Variants in METTL6 observed in about 807,000 individuals in gnomAD.
METTL6 encodes methyltransferase 6, tRNA N3-cytidine.
Under a neutral mutation model 26.4 loss-of-function variants are expected in METTL6, and 22 were observed. The observed-to-expected ratio is 0.83, with a 90% CI of 0.59 to 1.19. The LOEUF (loss-of-function observed/expected upper bound fraction) is 1.19. Ranked by LOEUF, METTL6 falls within the 50% of genes most tolerant of loss-of-function variation. The pLI is 0.00. For missense variants in METTL6, 304 were observed against 324.8 expected (o/e 0.94, Z 0.49); for synonymous variants, 109 against 116.2 (o/e 0.94, Z 0.40).
chr3:15,391,459 T>G (rs898071142), intron 6 of METTL6, among the ~76,000 whole-genome samples: 2 of 152,132 alleles, frequency 1.3e-5, no homozygotes, highest in Non-Finnish European at 2.9e-5. Context: ...AATGTTACAT[T>G]GCAGAACAAT....
chr3:15,388,061 G>C (rs560928109), intron 6 of METTL6, among the ~76,000 whole-genome samples: 1 of 151,854 alleles, frequency 6.6e-6, no homozygotes, highest in Admixed American at 6.6e-5. Context: ...ACTCAAAAAA[G>C]TCTCCCTCAG....
intron 6 of METTL6, among the ~76,000 whole-genome samples, chr3:15,386,306 CT>C (rs1341452664): frequency 6.6e-6 from 1 of 152,148 alleles, no homozygotes; most frequent in Admixed American, 6.5e-5. Flanking sequence ...CCACATGGGG[CT>C]GCAGCAACTA....
At chr3:15,394,653 G>C (rs1341479495) in intron 6 of METTL6, among the ~76,000 whole-genome samples, 19 of 152,114 alleles carry the variant, frequency 1.2e-4, no homozygotes, top group Admixed American at 2.0e-4. Flanking sequence ...AAATTTCCCT[G>C]TACACACTGC....
At chr3:15,412,658 T>A (rs112907815) in intron 5 of METTL6, among the ~76,000 whole-genome samples, 10 of 151,806 alleles carry the variant, frequency 6.6e-5, no homozygotes, top group African/African-American at 2.4e-4. Context: ...TAATATTTTT[T>A]TTTTTTTATT....
Position 15,409,867 on chromosome 3 carries a change from A to G in METTL6, c.*1389T>C, listed in dbSNP as rs909367691. Among the ~76,000 whole-genome samples the G allele has an allele frequency of 6.6e-6, 1 of 152,222 alleles. No homozygotes were observed. The highest frequency in any genetic ancestry group is 2.4e-5 in the African/African-American group (1 of 41,456). ...ACCAATGGGCAAATATGACACTCGA[A>G]AAAGAAGAAAACAGAACACTCCTTT... is the stretch of plus-strand genomic sequence containing the variant. On this transcript the variant is annotated 3_prime_UTR_variant, in exon 6 of 6. Coordinates refer to ENST00000383790, the MANE Select transcript of METTL6 (RefSeq NM_152396.4).
chr3:15,408,951 A>T (rs1699874524), downstream of METTL6, among the ~76,000 whole-genome samples: 1 of 152,010 alleles, frequency 6.6e-6, no homozygotes, highest in South Asian at 2.1e-4. Flanking sequence ...CATTTGGCGG[A>T]GGGGGCTTTG....
rs149664489 is a variant in METTL6, at chr3:15,424,577, T to C, written c.360+378A>G. Among the ~76,000 whole-genome samples the C allele has an allele frequency of 7.2e-5, 11 of 152,330 alleles. No homozygotes were observed. In the East Asian group the frequency reaches 1.9e-3, roughly 27 times the overall value. On this transcript the variant is annotated intron_variant, in intron 3 of 5. Coordinates refer to ENST00000383790, the MANE Select transcript of METTL6 (RefSeq NM_152396.4). Reference sequence around the variant, plus strand: ...CCAACATGGCAGGCCAGATTATAGTTATTTTTGTGAAATATGATAAACTTA... The same window carrying C: ...CCAACATGGCAGGCCAGATTATAGTCATTTTTGTGAAATATGATAAACTTA...
rs760978562 is a variant in METTL6, at chr3:15,426,272, G to C, written c.225+15C>G. On this transcript the variant is annotated intron_variant, in intron 2 of 5. Transcript: ENST00000383790. ...AAATGAAGAACAGCTCAGATAAGGC[G>C]TAATATTAGCTTACCTCTCTACATG... 6.2e-7 allele frequency: 1 copy of C among 1,608,162 alleles called. No homozygotes were observed. The highest frequency in any genetic ancestry group is 8.5e-7 in the Non-Finnish European group (1 of 1,175,018).
intron 3 of METTL6, among the ~76,000 whole-genome samples, chr3:15,422,193 G>T (rs1182392929): frequency 6.6e-6 from 1 of 152,084 alleles, no homozygotes; most frequent in East Asian, 1.9e-4. Flanking sequence ...GGGTGTGGTG[G>T]TGTGCATCTG....
intron 6 of METTL6, among the ~76,000 whole-genome samples, chr3:15,397,185 G>A (rs929981979): frequency 1.3e-5 from 2 of 152,142 alleles, no homozygotes; most frequent in Non-Finnish European, 2.9e-5. Flanking sequence ...CAGCAATGGC[G>A]GGCGCCCCTC....
intron 4 of METTL6, 131 bp downstream of exon 4, chr3:15,415,641 C>T: frequency 1.2e-6 from 2 of 1,605,950 alleles, no homozygotes; most frequent in Non-Finnish European, 1.7e-6. Context: ...TTTCTATACA[C>T]TCACTACACA....
At chr3:15,398,893 A>C (rs1309575476) in intron 6 of METTL6, among the ~76,000 whole-genome samples, 1 of 152,104 alleles carries the variant, frequency 6.6e-6, no homozygotes, top group Non-Finnish European at 1.5e-5. Flanking sequence ...CATTCCCAGG[A>C]GGTTAGGTAT....
intron 6 of METTL6, among the ~76,000 whole-genome samples, chr3:15,397,846 C>T (rs578199077): frequency 6.6e-6 from 1 of 152,268 alleles, no homozygotes; most frequent in African/African-American, 2.4e-5. Flanking sequence ...ATTATTCCTT[C>T]AGATAACATC....
At chr3:15,408,529 G>A (rs1453498206), downstream of METTL6, among the ~76,000 whole-genome samples, 1 of 147,422 alleles carries the variant, frequency 6.8e-6, no homozygotes, top group Admixed American at 6.8e-5. Context: ...CAAAAGCACA[G>A]GCTTATCCTA....
At chr3:15,406,785 T>C (rs1002954416), downstream of METTL6, among the ~76,000 whole-genome samples, 7 of 151,164 alleles carry the variant, frequency 4.6e-5, no homozygotes, top group African/African-American at 1.7e-4. Context: ...AAAGGCACCA[T>C]GCCTAGCTAA....
At chr3:15,415,057 A>T in intron 4 of METTL6, 1 of 910,962 alleles carries the variant, frequency 1.1e-6, no homozygotes, top group African/African-American at 1.8e-5. Flanking sequence ...CAAACAAACA[A>T]ACAAACAAAA....
At chr3:15,421,719 G>C (rs1422943520) in intron 3 of METTL6, among the ~76,000 whole-genome samples, 1 of 152,056 alleles carries the variant, frequency 6.6e-6, no homozygotes, top group Non-Finnish European at 1.5e-5. Context: ...AGACCAGCCT[G>C]TCCAACATAG....
At chr3:15,403,700 G>A (rs1699709595) in intron 6 of METTL6, among the ~76,000 whole-genome samples, 1 of 152,158 alleles carries the variant, frequency 6.6e-6, no homozygotes, top group Non-Finnish European at 1.5e-5. Context: ...CCAAGAGAGG[G>A]TTCTTGGATC....
intron 6 of METTL6, among the ~76,000 whole-genome samples, chr3:15,385,624 A>G (rs1575380045): frequency 6.6e-6 from 1 of 151,616 alleles, no homozygotes; most frequent in Admixed American, 6.6e-5. Flanking sequence ...GAACAAAAAA[A>G]CCCCACTTGT....
Sources: gnomAD v4.1 joint callset for allele counts (sites outside exome capture counted in the v4.1 genomes callset) on GRCh38, gnomAD v4.1.1 for gene constraint, MANE v1.5 for transcripts, NCBI Gene and HGNC (gene_info 2026-07-23, HGNC 2026-07-21) for gene names.